PDXDC1: variants seen among roughly 807,000 people sequenced by gnomAD.
PDXDC1 encodes pyridoxal-dependent decarboxylase domain-containing protein 1.
Under a neutral mutation model 100.1 loss-of-function variants are expected in PDXDC1, and 42 were observed. That is an observed-to-expected ratio of 0.42 (90% CI 0.33 to 0.54). The LOEUF (loss-of-function observed/expected upper bound fraction) is 0.54, where lower values mean the gene tolerates loss of function less well. Ranked by LOEUF, PDXDC1 falls within the 20% of genes least tolerant of loss-of-function variation. The pLI, the probability that PDXDC1 is intolerant of heterozygous loss-of-function variation, is 0.10. For synonymous variants in PDXDC1, 260 were observed against 371.7 expected, an observed-to-expected ratio of 0.70 and a Z score of 3.46; for missense variants, 636 against 979.2, an observed-to-expected ratio of 0.65 and a Z score of 4.68.
At chr16:15,071,808 G>A (rs2045243573) in intron 16 of PDXDC1, among the ~76,000 whole-genome samples, 1 of 151,990 alleles carries the variant, frequency 6.6e-6, no homozygotes, top group Admixed American at 6.6e-5. Flanking sequence ...ATTCAACCTG[G>A]GAGGTACAAA....
chr16:15,064,863 A>G (rs528685541), intron 16 of PDXDC1, among the ~76,000 whole-genome samples: 5 of 152,306 alleles, frequency 3.3e-5, no homozygotes, highest in Admixed American at 3.3e-4. Context: ...GCAAACATGT[A>G]TCACGTTTAA....
chr16:15,137,457 G>A lies in PDXDC1; in HGVS notation c.1400-1422G>A, dbSNP rs907663654. 127 of 1,144,092 alleles carry A rather than the reference G, an allele frequency of 1.1e-4. No homozygotes were observed. The African/African-American group carries it at 1.8e-3, about 16-fold the overall frequency. The allele number at this position is 1,144,092 out of a possible 1,614,324, so 70.9% of individuals were successfully genotyped here. ...AAGGCGCTGCAGGCCTCTGGCTGAA[G>A]CAGGCCTTCGTGGGCAGCTGAAAAG... On this transcript the variant is annotated intron_variant, in intron 16 of 16. Transcript: ENST00000535621.
rs1390303543 is a variant in PDXDC1, at chr16:15,017,146, G to T, written c.839G>T (p.Gly280Val). Residue 280 changes from glycine (G) to valine (V), a missense_variant, in exon 10 of 23, where the codon GGT becomes GTT. Coordinates refer to ENST00000396410, the MANE Select transcript of PDXDC1 (RefSeq NM_015027.4). ...EGVNLATLAL[G>V]YVSSSVLAAA... ...GTGAATCTGGCAACATTGGCTCTGG[G>T]TTATGTCTCCTCATCAGTGCTGGTA... The T allele has an allele frequency of 6.2e-7, 1 of 1,613,996 alleles. No individual in the cohort carries two copies. Among genetic ancestry groups the T allele is most frequent in the Admixed American group, 1.7e-5 (1 of 60,034 alleles).
intron 16 of PDXDC1, among the ~76,000 whole-genome samples, chr16:15,068,736 T>C (rs1242316519): frequency 2.0e-5 from 3 of 152,202 alleles, no homozygotes; most frequent in Admixed American, 2.0e-4. Flanking sequence ...GTTTTTTTTC[T>C]AAACAAGAAA....
chr16:15,093,772 T>TAG, intron 16 of PDXDC1, among the ~76,000 whole-genome samples: 1 of 152,168 alleles, frequency 6.6e-6, no homozygotes, highest in Non-Finnish European at 1.5e-5. Flanking sequence ...TAATATTCAA[T>TAG]TTGCCATGAG....
At chr16:15,097,468 CAAAAAAAAAA>C (rs71152407) in intron 16 of PDXDC1, among the ~76,000 whole-genome samples, 1 of 65,854 alleles carries the variant, frequency 1.5e-5, no homozygotes, top group Non-Finnish European at 2.6e-5. Context: ...ACTAAAAATA[CAAAAAAAAAA>C]AAAAAAAAAA....
chr16:15,035,425 A>C lies in PDXDC1; in HGVS notation c.2003-24A>C. The stretch of plus-strand genomic sequence containing the variant: ...AGGGCAGCCTGTGCCTGTAGCTTCT[A>C]CCCAGCCCTCTCCTCTCCCGCAGGC... On this transcript the variant is annotated intron_variant, in intron 21 of 22. Transcript: ENST00000396410. 1.2e-5 allele frequency: 18 copies of C among 1,477,452 alleles called. 1 individual carries two copies. The highest frequency in any genetic ancestry group is 1.7e-5 in the Non-Finnish European group (18 of 1,071,372). 91.5% of individuals were successfully genotyped at this position (1,477,452 alleles called of 1,614,324 possible). A position where few individuals can be genotyped will look rare whatever the true frequency, so the allele number is the denominator to read the frequency against.
intron 16 of PDXDC1, chr16:15,130,860 C>T: frequency 4.2e-6 from 3 of 722,446 alleles, no homozygotes; most frequent in Non-Finnish European, 7.3e-6. Context: ...CCACGATGGC[C>T]CTCCTGAGCC....
intron 4 of PDXDC1, among the ~76,000 whole-genome samples, chr16:15,002,622 G>A (rs946762796): frequency 6.6e-6 from 1 of 152,290 alleles, no homozygotes; most frequent in Admixed American, 6.5e-5. Flanking sequence ...CTTTCGACAT[G>A]TGTCACTTCT....
chr16:15,070,404 G>C, intron 16 of PDXDC1: 1 of 616,714 alleles, frequency 1.6e-6, no homozygotes, highest in Middle Eastern at 4.6e-4. Context: ...GAAAAGCAAA[G>C]AAAGGAAGGA....
chr16:15,128,138 G>A (rs1291375898), intron 16 of PDXDC1: 46 of 1,609,630 alleles, frequency 2.9e-5, no homozygotes, highest in Non-Finnish European at 3.7e-5. Context: ...GCTGAGCCCT[G>A]CAGAGGCGCG....
At chr16:14,984,196 A>T (rs1246581024) in intron 1 of PDXDC1, among the ~76,000 whole-genome samples, 1 of 151,416 alleles carries the variant, frequency 6.6e-6, no homozygotes, top group African/African-American at 2.4e-5. Context: ...ACCCCAAAAA[A>T]GGTACAGAGC....
chr16:15,141,225 A>G (rs2048470006), downstream of PDXDC1, among the ~76,000 whole-genome samples: 1 of 152,196 alleles, frequency 6.6e-6, no homozygotes. Context: ...TACCCGGCGC[A>G]GGAGAGACGC....
rs540309472 is a variant in PDXDC1, at chr16:15,111,502, G to A, written c.1400-27377G>A. On this transcript the variant is annotated intron_variant, in intron 16 of 16. Coordinates refer to the PDXDC1 transcript ENST00000535621. ...AGGCCAGGTGTGGTAGCTCACGCCT[G>A]TAATCCTAGCACTTTGGGAGGCCGA... is the stretch of plus-strand genomic sequence containing the variant. 5.4e-5 allele frequency among the ~76,000 whole-genome samples: 8 copies of A among 147,536 alleles called. No individual in the cohort carries two copies. In the East Asian group the frequency reaches 1.6e-3, roughly 29 times the overall value.
chr16:15,119,408 A>AT (rs1203506902), intron 16 of PDXDC1, among the ~76,000 whole-genome samples: 3,237 of 139,344 alleles, frequency 0.023, 101 homozygotes, highest in South Asian at 0.039. Flanking sequence ...AAAAAAAAAA[A>AT]TTTTTTTTGT....
At chr16:15,002,929 G>T (rs575514255) in intron 4 of PDXDC1, among the ~76,000 whole-genome samples, 2 of 152,204 alleles carry the variant, frequency 1.3e-5, no homozygotes, top group African/African-American at 4.8e-5. Context: ...ACCAAGTGAC[G>T]TGTCTTTTTG....
At chr16:15,055,788 A>T (rs1388811217) in intron 16 of PDXDC1, 1 of 611,180 alleles carries the variant, frequency 1.6e-6, no homozygotes, top group African/African-American at 1.9e-5. Flanking sequence ...CGGATGTGCC[A>T]ACAGCGCCAA....
chr16:15,141,114 C>T (rs532883335), downstream of PDXDC1, among the ~76,000 whole-genome samples: 16 of 134,828 alleles, frequency 1.2e-4, no homozygotes, highest in South Asian at 3.4e-3. Context: ...CCTGAGCACC[C>T]GCCCAGCCCC....
chr16:15,080,095 T>A (rs1441297876), intron 16 of PDXDC1: 4 of 1,593,552 alleles, frequency 2.5e-6, no homozygotes, highest in Non-Finnish European at 2.6e-6. Context: ...AACGTAACAT[T>A]CCTAAAGGAG....
Sources: allele counts gnomAD v4.1 joint callset (sites outside exome capture counted in the v4.1 genomes callset), GRCh38; gene constraint gnomAD v4.1.1; transcripts MANE v1.5; gene names NCBI Gene and HGNC (gene_info 2026-07-23, HGNC 2026-07-21).